The following DOCK3 variants were observed in gnomAD, a reference collection of about 807,000 sequenced individuals.
DOCK3 encodes dedicator of cytokinesis protein 3.
DOCK3 carries 60 observed loss-of-function variants against 265.6 expected under a neutral mutation model. The ratio of observed to expected loss-of-function variants is 0.23; its 90% CI spans 0.18 to 0.28. The LOEUF is 0.28. DOCK3 is among the 10% of genes least tolerant of loss of function. The pLI is 1.00. For synonymous variants in DOCK3, 881 were observed against 938.0 expected (o/e 0.94, Z 1.11); for missense variants, 1,981 against 2,594.3 (o/e 0.76, Z 5.14).
At chr3:51,376,656 C>T (rs938425760) in intron 51 of DOCK3, among the ~76,000 whole-genome samples, 2 of 152,238 alleles carry the variant, frequency 1.3e-5, no homozygotes, top group African/African-American at 4.8e-5. Flanking sequence ...TTAGGGCACA[C>T]TCAGTTCCCA....
chr3:51,315,941 A>C (rs1021033339), intron 32 of DOCK3, among the ~76,000 whole-genome samples: 1 of 152,198 alleles, frequency 6.6e-6, no homozygotes, highest in Non-Finnish European at 1.5e-5. Context: ...TGGTCTATTT[A>C]GAATAGGTGA....
At chr3:51,088,338 G>A (rs770440551) in intron 7 of DOCK3, among the ~76,000 whole-genome samples, 1 of 152,138 alleles carries the variant, frequency 6.6e-6, no homozygotes, top group Non-Finnish European at 1.5e-5. Flanking sequence ...ATAAGTTCTC[G>A]TGTTTGATAG....
intron 21 of DOCK3, among the ~76,000 whole-genome samples, chr3:51,239,561 T>TTTGG (rs2078506783): frequency 7.1e-6 from 1 of 140,036 alleles, no homozygotes; most frequent in Admixed American, 6.9e-5. Flanking sequence ...CTGGGTTTTT[T>TTTGG]TTTTGTTTGT....
At chr3:51,146,016 T>C (rs2085283465) in intron 9 of DOCK3, among the ~76,000 whole-genome samples, 1 of 152,230 alleles carries the variant, frequency 6.6e-6, no homozygotes, top group Admixed American at 6.5e-5. Context: ...GTGGTAATGC[T>C]TGTCCACCTG....
chr3:50,989,034 A>G (rs950839387), intron 5 of DOCK3, among the ~76,000 whole-genome samples: 1 of 152,166 alleles, frequency 6.6e-6, no homozygotes, highest in Non-Finnish European at 1.5e-5. Flanking sequence ...TACAAGCTGC[A>G]GTTGACCCAA....
chr3:50,756,751 GT>G (rs1193172645), intron 1 of DOCK3, among the ~76,000 whole-genome samples: 1 of 152,086 alleles, frequency 6.6e-6, no homozygotes, highest in East Asian at 1.9e-4. Flanking sequence ...GTATCTTGTG[GT>G]TTTGATTAGC....
At chr3:51,249,354 C>T (rs1226843055) in intron 22 of DOCK3, among the ~76,000 whole-genome samples, 14 of 140,238 alleles carry the variant, frequency 1.0e-4, no homozygotes, top group East Asian at 2.2e-4. Flanking sequence ...CCCGGCCAGC[C>T]GCCCAGTCCG....
At chr3:50,885,883 TG>T (rs2048303349) in intron 3 of DOCK3, among the ~76,000 whole-genome samples, 1 of 151,910 alleles carries the variant, frequency 6.6e-6, no homozygotes, top group Admixed American at 6.6e-5. Flanking sequence ...AGTTTTTTGG[TG>T]TGGGGGGCAG....
chr3:51,115,848 A>G (rs925939961), intron 9 of DOCK3, among the ~76,000 whole-genome samples: 2 of 152,136 alleles, frequency 1.3e-5, no homozygotes, highest in East Asian at 3.8e-4. Flanking sequence ...ATCCAGTTTC[A>G]GTTTTCTGCA....
chr3:50,927,941 T>C (rs2050851875), intron 4 of DOCK3, among the ~76,000 whole-genome samples: 1 of 152,030 alleles, frequency 6.6e-6, no homozygotes, highest in Non-Finnish European at 1.5e-5. Context: ...TTTTTCCACC[T>C]CTCTCCCATG....
At chr3:50,901,037 C>A in intron 4 of DOCK3, 1 of 324,148 alleles carries the variant, frequency 3.1e-6, no homozygotes, top group Non-Finnish European at 6.0e-6. Context: ...TCAGAACAGA[C>A]AGGCTGGAAC....
intron 5 of DOCK3, among the ~76,000 whole-genome samples, chr3:50,996,609 C>T (rs1318411494): frequency 6.6e-6 from 1 of 152,072 alleles, no homozygotes; most frequent in African/African-American, 2.4e-5. Context: ...CCTTGACTTT[C>T]AATTTCTTTC....
intron 18 of DOCK3, 58 bp from the exon 19 acceptor site, chr3:51,229,449 TAAAAA>T: frequency 4.7e-6 from 5 of 1,056,974 alleles, no homozygotes; most frequent in Admixed American, 3.2e-5. Context: ...AGACTCCGTC[TAAAAA>T]AAAAAAAAAG....
rs560512741 is a variant in DOCK3, at chr3:51,371,945, A to T, written c.5294-2524A>T. On this transcript the variant is annotated intron_variant, in intron 49 of 52. Transcript: ENST00000266037. ...ATCACATGCTTGGTGTGGAATGGGC[A>T]TTAGATATGGGTTTGATGTTACTGA... 4.6e-5 allele frequency among the ~76,000 whole-genome samples: 7 copies of T among 152,286 alleles called. No individual in the cohort carries two copies. In the South Asian group the frequency reaches 1.2e-3, roughly 27 times the overall value.
chr3:51,061,111 G>T (rs1236227444), intron 5 of DOCK3, among the ~76,000 whole-genome samples: 1 of 152,200 alleles, frequency 6.6e-6, no homozygotes, highest in Non-Finnish European at 1.5e-5. Context: ...TACACTGTTG[G>T]TGGCACTGTA....
At chr3:50,883,048 A>T (rs2048133965) in intron 3 of DOCK3, among the ~76,000 whole-genome samples, 1 of 152,182 alleles carries the variant, frequency 6.6e-6, no homozygotes, top group Non-Finnish European at 1.5e-5. Flanking sequence ...GTTCTCACTC[A>T]TAGGTGGGAA....
intron 43 of DOCK3, 145 bp from the exon 44 acceptor site, chr3:51,356,817 A>G (rs1041306949): frequency 9.4e-6 from 9 of 955,074 alleles, no homozygotes; most frequent in Non-Finnish European, 1.2e-5. Context: ...ATCAGACAAC[A>G]GAAGTGGAAA....
At position 51,374,413 on chromosome 3, in the gene DOCK3, T is replaced by TGGACC; in HGVS notation, c.5294-55_5294-51dup. ...CCTAGTCCTGAGGATGCTTGACTGC[T>TGGACC]GGACCCTCCATCTGTGGCTTGTCAT... On this transcript the variant is annotated intron_variant, in intron 49 of 52. Coordinates refer to ENST00000266037, the MANE Select transcript of DOCK3 (RefSeq NM_004947.5). This position sits in a 1 kb window ranked among gnomAD's most constrained non-coding sequence, Gnocchi z 4.8. 6.5e-7 allele frequency: 1 copy of TGGACC among 1,536,238 alleles called. No individual in the cohort carries two copies.
chr3:51,379,298 TGCTTGGCCA>T (rs782151507), intron 51 of DOCK3, among the ~76,000 whole-genome samples: 5 of 152,228 alleles, frequency 3.3e-5, no homozygotes, highest in Non-Finnish European at 7.3e-5. Context: ...CACAGTGCCT[TGCTTGGCCA>T]GCGTTTTTAG....
Sources: gnomAD v4.1 joint callset for allele counts (sites outside exome capture counted in the v4.1 genomes callset) on GRCh38, gnomAD v4.1.1 for gene constraint, Gnocchi (gnomAD v3.1) non-coding constraint, MANE v1.5 for transcripts, NCBI Gene and HGNC (gene_info 2026-07-23, HGNC 2026-07-21) for gene names.